The following XDH variants were observed in gnomAD, a reference collection of about 807,000 sequenced individuals.
XDH encodes the protein xanthine dehydrogenase/oxidase.
Under a neutral mutation model 156.1 loss-of-function variants are expected in XDH, and 138 were observed. That is an observed-to-expected ratio of 0.88 (90% CI 0.77 to 1.02). The LOEUF (loss-of-function observed/expected upper bound fraction) is 1.02, where lower values mean the gene tolerates loss of function less well. Among genes scored for constraint, XDH ranks in the 50% least tolerant of loss-of-function variants. The pLI is 0.00. For synonymous variants in XDH, 669 were observed against 625.7 expected, an observed-to-expected ratio of 1.07 and a Z score of -1.03; for missense variants, 1,849 against 1,684.9, an observed-to-expected ratio of 1.10 and a Z score of -1.71.
chr2:31,352,251 A>AT (rs1270300313), intron 24 of XDH, among the ~76,000 whole-genome samples: 3 of 152,056 alleles, frequency 2.0e-5, no homozygotes, highest in Non-Finnish European at 1.5e-5. Context: ...ATGAGAGCTC[A>AT]TTTTTATTCT....
chr2:31,344,748 A>C lies in XDH; in HGVS notation c.3352-12T>G, dbSNP rs766938288. On this transcript the variant is annotated splice_polypyrimidine_tract_variant and intron_variant, in intron 30 of 35. Transcript: ENST00000379416. Reference sequence around the variant, plus strand: ...TAGGCAGCTGTGACCTGAGGAGAGGAGATGGCCATCAGGCAGGTGAAGTGA... The same window carrying C: ...TAGGCAGCTGTGACCTGAGGAGAGGCGATGGCCATCAGGCAGGTGAAGTGA... The C allele has an allele frequency of 6.2e-7, 1 of 1,613,962 alleles. No homozygotes were observed. Among genetic ancestry groups the C allele is most frequent in the Non-Finnish European group, 8.5e-7 (1 of 1,180,010 alleles).
intron 15 of XDH, among the ~76,000 whole-genome samples, chr2:31,374,847 A>G (rs765232825): frequency 6.6e-6 from 1 of 151,430 alleles, no homozygotes; most frequent in Non-Finnish European, 1.5e-5. Context: ...TGGTGAACAA[A>G]TCTCAGGAGC....
intron 17 of XDH, among the ~76,000 whole-genome samples, chr2:31,371,848 T>G (rs1200972678): frequency 6.6e-6 from 1 of 152,156 alleles, no homozygotes; most frequent in Non-Finnish European, 1.5e-5. Flanking sequence ...GAAGGGCTTT[T>G]CCTAGCTGAT....
chr2:31,387,818 T>C lies in XDH; in HGVS notation c.644A>G (p.Glu215Gly), dbSNP rs888422997. The C allele has an allele frequency of 1.3e-6, 2 of 1,581,236 alleles. No homozygotes were observed. Among genetic ancestry groups the C allele is most frequent in the African/African-American group, 2.7e-5 (2 of 74,584 alleles). Reference sequence around the variant, plus strand: ...CCCTGAGGCATCACCTACCAGCAACTCTGGGGGAAAAATGGGCTCCTGGGT... The same window carrying C: ...CCCTGAGGCATCACCTACCAGCAACCCTGGGGGAAAAATGGGCTCCTGGGT... ...DPTQEPIFPP[E>G]LLRLKDTPRK... Residue 215 changes from glutamate (E) to glycine (G), a missense_variant, in exon 8 of 36, where the codon GAG becomes GGG. By Grantham distance (98) the Glu-to-Gly change is moderately conservative. Coordinates refer to ENST00000379416, the MANE Select transcript of XDH (RefSeq NM_000379.4).
rs1257865815 is a variant in XDH at position 31,365,450 on chromosome 2, C to T, written c.2544+7G>A. The T allele has an allele frequency of 1.4e-5, 22 of 1,614,090 alleles. No individual in the cohort carries two copies. The highest frequency in any genetic ancestry group is 1.7e-5 in the Non-Finnish European group (20 of 1,180,036). ...TCCCGCCCCAGCACAGCCCCAACAT[C>T]TAGAACCTTGTATCTGGCCAGGAAG... On this transcript the variant is annotated splice_region_variant and intron_variant, in intron 23 of 35. Coordinates refer to ENST00000379416, the MANE Select transcript of XDH (RefSeq NM_000379.4).
At chr2:31,368,221 A>G (rs944859720) in intron 19 of XDH, among the ~76,000 whole-genome samples, 164 bp from the exon 20 acceptor site, 5 of 152,232 alleles carry the variant, frequency 3.3e-5, no homozygotes, top group African/African-American at 9.6e-5. Flanking sequence ...ACTATAGCCC[A>G]GAGAATCATA....
intron 17 of XDH, among the ~76,000 whole-genome samples, chr2:31,371,585 G>T (rs1686072564): frequency 1.3e-5 from 2 of 152,160 alleles, no homozygotes. Flanking sequence ...GACAATGTGG[G>T]TTATGGTATT....
intron 11 of XDH, 75 bp from the exon 12 acceptor site, chr2:31,381,801 A>G: frequency 7.2e-7 from 1 of 1,384,896 alleles, no homozygotes; most frequent in Non-Finnish European, 1.0e-6. Flanking sequence ...TCCTGAACAT[A>G]CCAGCCAGGT....
intron 3 of XDH, 150 bp from the exon 4 acceptor site, chr2:31,401,478 C>G: frequency 1.2e-6 from 1 of 859,418 alleles, no homozygotes; most frequent in Non-Finnish European, 1.9e-6. Flanking sequence ...GTGTCCTCAC[C>G]TCTCCACTGA....
intron 2 of XDH, among the ~76,000 whole-genome samples, chr2:31,405,100 C>T (rs1171861628): frequency 1.3e-5 from 2 of 152,126 alleles, no homozygotes; most frequent in Admixed American, 6.5e-5. Flanking sequence ...ACTATTTCCC[C>T]AGAACACACT....
At chr2:31,409,895 T>A (rs1687294673) in intron 1 of XDH, among the ~76,000 whole-genome samples, 1 of 152,230 alleles carries the variant, frequency 6.6e-6, no homozygotes, top group African/African-American at 2.4e-5. Flanking sequence ...TCTGGATTTA[T>A]ACCCAAAATA....
chr2:31,395,776 T>C (rs1383823542), intron 6 of XDH, among the ~76,000 whole-genome samples: 1 of 152,246 alleles, frequency 6.6e-6, no homozygotes, highest in Non-Finnish European at 1.5e-5. Flanking sequence ...TCCTGTGACC[T>C]CATTCCTCTG....
intron 1 of XDH, among the ~76,000 whole-genome samples, chr2:31,409,375 G>A (rs999814853): frequency 5.3e-5 from 8 of 152,158 alleles, no homozygotes; most frequent in Non-Finnish European, 1.2e-4. Context: ...CACATTGCAT[G>A]CCTATATCAA....
chr2:31,368,674 C>G lies in XDH; in HGVS notation c.1981-14G>C. On this transcript the variant is annotated splice_polypyrimidine_tract_variant and intron_variant, in intron 18 of 35. Transcript: ENST00000379416. Reference sequence around the variant, plus strand: ...AACACAAGTAACCTAGTAGCAGAGACAGACTGTTAAAGAACGCAACCAGGC... The same window carrying G: ...AACACAAGTAACCTAGTAGCAGAGAGAGACTGTTAAAGAACGCAACCAGGC... The G allele has an allele frequency of 6.2e-7, 1 of 1,614,196 alleles. No homozygotes were observed. The highest frequency in any genetic ancestry group is 8.5e-7 in the Non-Finnish European group (1 of 1,180,038).
rs761561327 is a variant in XDH, at chr2:31,372,216, G to A, written c.1856+12C>T. 1.4e-5 allele frequency: 23 copies of A among 1,614,038 alleles called. No individual in the cohort carries two copies. Among genetic ancestry groups the A allele is most frequent in the Admixed American group, 3.3e-5 (2 of 60,002 alleles). On this transcript the variant is annotated intron_variant, in intron 17 of 35. Transcript: ENST00000379416. Reference sequence around the variant, plus strand: ...CAGCATTCCACCAGCTCCTCCTGGCGGTGTCACTCACTTGATCTTGGCGTG... The same window carrying A: ...CAGCATTCCACCAGCTCCTCCTGGCAGTGTCACTCACTTGATCTTGGCGTG...
At chr2:31,395,734 T>C (rs1451049623) in intron 6 of XDH, among the ~76,000 whole-genome samples, 1 of 152,248 alleles carries the variant, frequency 6.6e-6, no homozygotes, top group Non-Finnish European at 1.5e-5. Flanking sequence ...TGTCTGCCTG[T>C]CTGTCTCTCC....
At chr2:31,380,219 G>A (rs1372470547) in intron 12 of XDH, among the ~76,000 whole-genome samples, 1 of 152,228 alleles carries the variant, frequency 6.6e-6, no homozygotes, top group African/African-American at 2.4e-5. Context: ...CTGGTTTATA[G>A]CATTTGCCAA....
chr2:31,375,465 T>C lies in XDH; in HGVS notation c.1517A>G (p.Asp506Gly), dbSNP rs755398929. 1.2e-6 allele frequency: 2 copies of C among 1,614,044 alleles called. No individual in the cohort carries two copies. Among genetic ancestry groups the C allele is most frequent in the Non-Finnish European group, 1.7e-6 (2 of 1,180,044 alleles). ...GCTGAGGGTGAGGGTGCACCGGAAG[T>C]CCACCATGCCACCAGGGGCATCGGG... The part of the protein sequence containing the change: ...LPPDAPGGMV[D>G]FRCTLTLSFF... The change falls in exon 15 of 36, where the codon GAC becomes GGC. Residue 506 changes from aspartate to glycine, a missense_variant. Physicochemically the swap from Asp to Gly is moderately conservative, Grantham distance 94. Coordinates refer to ENST00000379416, the MANE Select transcript of XDH (RefSeq NM_000379.4).
At chr2:31,385,389 C>G (rs538021870) in intron 9 of XDH, among the ~76,000 whole-genome samples, 2 of 152,094 alleles carry the variant, frequency 1.3e-5, no homozygotes, top group African/African-American at 4.8e-5. Flanking sequence ...TGTATATGTG[C>G]GCACGAGGGA....
Sources: allele counts gnomAD v4.1 joint callset (sites outside exome capture counted in the v4.1 genomes callset), GRCh38; gene constraint gnomAD v4.1.1; transcripts MANE v1.5; gene names NCBI Gene and HGNC (gene_info 2026-07-23, HGNC 2026-07-21).